HK1: variants seen among roughly 807,000 people sequenced by gnomAD.
HK1 encodes the protein hexokinase-1.
Under a neutral mutation model 91.6 loss-of-function variants are expected in HK1, and 28 were observed. That is an observed-to-expected ratio of 0.31 (90% CI 0.23 to 0.42). The LOEUF (loss-of-function observed/expected upper bound fraction) is 0.42. Ranked by LOEUF, HK1 falls within the 10% of genes least tolerant of loss-of-function variation. The probability of loss-of-function intolerance (pLI) is 1.00; values close to 1 mark genes in which losing one functional copy is unlikely to be tolerated. For missense variants in HK1, 770 were observed against 1,219.8 expected (o/e 0.63, Z 5.49); for synonymous variants, 430 against 468.1 (o/e 0.92, Z 1.05).
intron 2 of HK1, among the ~76,000 whole-genome samples, chr10:69,348,132 T>G (rs1848661669): frequency 6.6e-6 from 1 of 152,166 alleles, no homozygotes; most frequent in African/African-American, 2.4e-5. Context: ...GAATCGATAC[T>G]TCTTGGTTTC....
intron 7 of HK1, among the ~76,000 whole-genome samples, chr10:69,371,823 A>T (rs1270354135): frequency 3.3e-5 from 5 of 152,264 alleles, no homozygotes; most frequent in African/African-American, 1.2e-4. Context: ...TTTGGGATGG[A>T]TGGATGGATG....
chr10:69,382,970 G>A (rs1220955730), intron 10 of HK1, among the ~76,000 whole-genome samples, 179 bp downstream of exon 10: 4 of 152,156 alleles, frequency 2.6e-5, no homozygotes, highest in Non-Finnish European at 5.9e-5. Context: ...TCATGTGTGT[G>A]ACTCAGGGCA....
At chr10:69,393,782 A>C (rs1840017658) in intron 15 of HK1, among the ~76,000 whole-genome samples, 1 of 152,198 alleles carries the variant, frequency 6.6e-6, no homozygotes. Flanking sequence ...GTCTATCATC[A>C]AAGTAATCCC....
intron 2 of HK1, among the ~76,000 whole-genome samples, chr10:69,354,626 A>G (rs762453801): frequency 1.3e-5 from 2 of 149,402 alleles, no homozygotes; most frequent in Non-Finnish European, 3.0e-5. Context: ...GTGGGGACAC[A>G]AAGCCTAACC....
intron 2 of HK1, among the ~76,000 whole-genome samples, chr10:69,349,232 C>T (rs1848721019): frequency 6.6e-6 from 1 of 152,242 alleles, no homozygotes; most frequent in Non-Finnish European, 1.5e-5. Context: ...GGGTTTGCCA[C>T]TCCCAACCTG....
intron 5 of HK1, among the ~76,000 whole-genome samples, chr10:69,308,726 G>A (rs1374980894): frequency 6.6e-6 from 1 of 152,106 alleles, no homozygotes; most frequent in African/African-American, 2.4e-5. Context: ...TTCTTTTTCT[G>A]AGTATAAAAC....
At chr10:69,313,663 A>C (rs1443989689), upstream of HK1, among the ~76,000 whole-genome samples, 1 of 151,780 alleles carries the variant, frequency 6.6e-6, no homozygotes, top group South Asian at 2.1e-4. Context: ...ATGCCTGGCT[A>C]ATTTTGTATT....
intron 16 of HK1, among the ~76,000 whole-genome samples, chr10:69,396,784 C>T (rs1303431925): frequency 2.6e-5 from 4 of 152,072 alleles, no homozygotes; most frequent in Admixed American, 6.6e-5. Context: ...TGGGTTCAAG[C>T]GATTCTCCTG....
At chr10:69,276,115 AAAAATACATATATATAT>A (rs1407005137) in intron 1 of HK1, among the ~76,000 whole-genome samples, 2 of 71,876 alleles carry the variant, frequency 2.8e-5, no homozygotes, top group African/African-American at 1.2e-4. Flanking sequence ...AAAAAAAAAA[AAAAATACATATATATAT>A]ATATATACAC....
Position 69,318,924 on chromosome 10 carries a change from C to T in HK1, c.-24C>T, listed in dbSNP as rs746875958. 3.2e-6 allele frequency: 5 copies of T among 1,573,798 alleles called. No individual in the cohort carries two copies. The Admixed American group carries it at 7.2e-5, about 23-fold the overall frequency. On this transcript the variant is annotated 5_prime_UTR_variant, in exon 1 of 18. Transcript: ENST00000359426. ...GAGGACCGACCGTCCCCACGCCTGC[C>T]GCCCCGCGACCCCGACCGCCAGCAT...
At chr10:69,379,728 C>A in intron 8 of HK1, 134 bp from the exon 9 acceptor site, 1 of 764,482 alleles carries the variant, frequency 1.3e-6, no homozygotes, top group Non-Finnish European at 2.4e-6. Flanking sequence ...ATTTGACAGT[C>A]TTCATCCCAT....
intron 16 of HK1, among the ~76,000 whole-genome samples, chr10:69,395,359 T>C (rs1270623575): frequency 6.6e-6 from 1 of 151,924 alleles, no homozygotes; most frequent in African/African-American, 2.4e-5. Context: ...AGGCGGATCA[T>C]GAGGTCAGGA....
chr10:69,370,223 CA>C (rs1264222356), intron 7 of HK1, among the ~76,000 whole-genome samples: 2 of 151,936 alleles, frequency 1.3e-5, no homozygotes, highest in Non-Finnish European at 2.9e-5. Context: ...GTGTGGGGCT[CA>C]CAATGAACCC....
chr10:69,379,780 C>T (rs1317457556), intron 8 of HK1, 82 bp from the exon 9 acceptor site: 4 of 1,017,804 alleles, frequency 3.9e-6, no homozygotes, highest in Non-Finnish European at 6.3e-6. Context: ...GGGGCTGTCC[C>T]TTTCCAGCAC....
Position 69,394,972 on chromosome 10 carries a change from A to G in HK1, c.2242A>G (p.Met748Val). 2 of 1,614,132 alleles carry G rather than the reference A, an allele frequency of 1.2e-6. No homozygotes were observed. The highest frequency in any genetic ancestry group is 1.7e-6 in the Non-Finnish European group (2 of 1,180,012). ...KQRYEKMISG[M>V]YLGEIVRNIL... ...CAGGTATGAGAAGATGATCAGTGGT[A>G]TGTACCTGGGTGAAATCGTCCGCAA... Residue 748 changes from methionine to valine, a missense_variant, in exon 16 of 18, where the codon ATG becomes GTG. This residue lies in a region of HK1 where 152 missense variants were observed against 211.1 expected (regional missense o/e 0.72). Coordinates refer to ENST00000359426, the MANE Select transcript of HK1 (RefSeq NM_000188.3).
At chr10:69,334,540 G>A (rs1158724407) in intron 1 of HK1, among the ~76,000 whole-genome samples, 1 of 152,190 alleles carries the variant, frequency 6.6e-6, no homozygotes, top group East Asian at 1.9e-4. Context: ...CGGGGGAGAA[G>A]GGCTGGGCCA....
chr10:69,382,845 C>T, intron 10 of HK1, 54 bp downstream of exon 10: 2 of 1,573,022 alleles, frequency 1.3e-6, no homozygotes, highest in Non-Finnish European at 1.7e-6. Context: ...AGGAACTGAG[C>T]CGCAGTGGGG....
chr10:69,300,891 A>C, intron 5 of HK1: 3 of 1,105,176 alleles, frequency 2.7e-6, no homozygotes, highest in Non-Finnish European at 4.1e-6. Context: ...ATACCCACAA[A>C]AACCTATTAG....
At chr10:69,359,112 A>G (rs578053669) in intron 2 of HK1, among the ~76,000 whole-genome samples, 4 of 152,290 alleles carry the variant, frequency 2.6e-5, no homozygotes, top group East Asian at 1.9e-4. Context: ...ACGTTATGCT[A>G]AGAGGAATAA....
Sources: allele counts gnomAD v4.1 joint callset (sites outside exome capture counted in the v4.1 genomes callset), GRCh38; gene constraint gnomAD v4.1.1; regional missense constraint gnomAD v4.1.1; transcripts MANE v1.5; gene names NCBI Gene and HGNC (gene_info 2026-07-23, HGNC 2026-07-21).